The following HACD2 variants were observed in gnomAD, a reference collection of about 807,000 sequenced individuals.
HACD2 encodes very-long-chain (3R)-3-hydroxyacyl-CoA dehydratase 2.
HACD2 carries 15 observed loss-of-function variants against 31.0 expected under a neutral mutation model. The ratio of observed to expected loss-of-function variants is 0.48; its 90% CI spans 0.32 to 0.75. HACD2 has a LOEUF of 0.75. Ranked by LOEUF, HACD2 falls within the 30% of genes least tolerant of loss-of-function variation. The pLI is 0.03. For missense variants in HACD2, 283 were observed against 313.0 expected (o/e 0.90, Z 0.72); for synonymous variants, 115 against 122.2 (o/e 0.94, Z 0.39).
chr3:123,578,146 C>T (rs910266739), intron 2 of HACD2, among the ~76,000 whole-genome samples: 2 of 151,144 alleles, frequency 1.3e-5, no homozygotes, highest in African/African-American at 4.9e-5. Context: ...TTTGTATCTG[C>T]CTCCTTTCAC....
chr3:123,502,855 G>A (rs1186535792), intron 4 of HACD2, 174 bp from the exon 5 acceptor site: 4 of 609,128 alleles, frequency 6.6e-6, no homozygotes, highest in Non-Finnish European at 1.1e-5. Context: ...GATGACAGCT[G>A]TGTACATCCC....
chr3:123,558,919 C>T (rs555353544), intron 3 of HACD2, among the ~76,000 whole-genome samples: 125 of 152,246 alleles, frequency 8.2e-4, no homozygotes, highest in African/African-American at 2.8e-3. Context: ...AACCATCGCA[C>T]CAAAGAACTG....
intron 3 of HACD2, among the ~76,000 whole-genome samples, chr3:123,566,486 G>C (rs1207711067): frequency 6.6e-6 from 1 of 151,858 alleles, no homozygotes; most frequent in African/African-American, 2.4e-5. Context: ...GTCTCCCTGT[G>C]TTGCCCAGGC....
chr3:123,544,801 T>C (rs1244716898), intron 3 of HACD2, among the ~76,000 whole-genome samples: 2 of 152,144 alleles, frequency 1.3e-5, no homozygotes, highest in Non-Finnish European at 2.9e-5. Context: ...TCAAATGCCA[T>C]TTTTGTTATG....
At chr3:123,534,601 T>C (rs1190974503) in intron 3 of HACD2, among the ~76,000 whole-genome samples, 8 of 152,142 alleles carry the variant, frequency 5.3e-5, no homozygotes, top group African/African-American at 1.9e-4. Flanking sequence ...TGTTAGAGTA[T>C]AGTCCTACTT....
intron 4 of HACD2, among the ~76,000 whole-genome samples, chr3:123,504,339 C>A (rs1430946248): frequency 6.6e-6 from 1 of 152,160 alleles, no homozygotes; most frequent in Non-Finnish European, 1.5e-5. Flanking sequence ...GTACTGTAAA[C>A]ATCTTCAAAG....
intron 1 of HACD2, among the ~76,000 whole-genome samples, chr3:123,583,877 T>C (rs1341014747): frequency 6.6e-6 from 1 of 152,232 alleles, no homozygotes; most frequent in East Asian, 1.9e-4. Flanking sequence ...TTTTTAACCC[T>C]AACAATGTAT....
At chr3:123,526,275 A>G (rs1361049920) in intron 4 of HACD2, among the ~76,000 whole-genome samples, 1 of 152,232 alleles carries the variant, frequency 6.6e-6, no homozygotes, top group Non-Finnish European at 1.5e-5. Context: ...TAGGGCAGGG[A>G]TGGAGGGCAC....
intron 3 of HACD2, among the ~76,000 whole-genome samples, chr3:123,563,539 GC>G (rs1247553132): frequency 6.6e-6 from 1 of 152,160 alleles, no homozygotes; most frequent in Non-Finnish European, 1.5e-5. Flanking sequence ...TGGACTTGGA[GC>G]CACACAGCCA....
At chr3:123,570,951 C>CACACACACACAT (rs1316930410) in intron 2 of HACD2, among the ~76,000 whole-genome samples, 2 of 151,776 alleles carry the variant, frequency 1.3e-5, no homozygotes, top group East Asian at 3.9e-4. Context: ...CACATACACA[C>CACACACACACAT]ACACACAGGC....
chr3:123,547,701 T>G (rs1403332911), intron 3 of HACD2, among the ~76,000 whole-genome samples: 1 of 152,142 alleles, frequency 6.6e-6, no homozygotes, highest in Non-Finnish European at 1.5e-5. Context: ...GTGGTATATG[T>G]TAGACCAAGC....
At chr3:123,534,230 C>CCGACAA (rs2056398888) in intron 3 of HACD2, among the ~76,000 whole-genome samples, 1 of 152,134 alleles carries the variant, frequency 6.6e-6, no homozygotes, top group African/African-American at 2.4e-5. Flanking sequence ...CTGGCTATAC[C>CCGACAA]TGACAAAGAC....
intron 3 of HACD2, among the ~76,000 whole-genome samples, chr3:123,553,600 G>A (rs1311135530): frequency 6.6e-6 from 1 of 152,182 alleles, no homozygotes; most frequent in Admixed American, 6.5e-5. Context: ...CAACCTGGAA[G>A]GATAAGGCAG....
intron 4 of HACD2, among the ~76,000 whole-genome samples, chr3:123,523,559 A>G (rs954282228): frequency 1.3e-5 from 2 of 152,216 alleles, no homozygotes; most frequent in African/African-American, 2.4e-5. Flanking sequence ...TAAATGTTAA[A>G]GCCCAAACTC....
intron 2 of HACD2, among the ~76,000 whole-genome samples, chr3:123,568,918 T>C (rs1310840899): frequency 1.3e-5 from 2 of 152,208 alleles, no homozygotes; most frequent in Admixed American, 6.5e-5. Flanking sequence ...CAGTAAATGA[T>C]GGTCAGGACC....
Position 123,506,617 on chromosome 3 carries a change from T to C in HACD2, c.382-3936A>G, listed in dbSNP as rs114820978. ...GCTAATTTTTTTTTCTTATTTTTTG[T>C]AGAAATGGGGTTTCACTATGTTGCC... On this transcript the variant is annotated intron_variant, in intron 4 of 6. Coordinates refer to ENST00000383657, the MANE Select transcript of HACD2 (RefSeq NM_198402.5). Among the ~76,000 whole-genome samples, 473 of 152,124 alleles carry C rather than the reference T, an allele frequency of 3.1e-3. 2 individuals carry two copies. The highest frequency in any genetic ancestry group is 0.011 in the African/African-American group (459 of 41,512).
At chr3:123,550,766 CAGG>C (rs1443909593) in intron 3 of HACD2, among the ~76,000 whole-genome samples, 1 of 152,084 alleles carries the variant, frequency 6.6e-6, no homozygotes, top group South Asian at 2.1e-4. Context: ...GACAGAGATG[CAGG>C]AGAAGGATGT....
chr3:123,528,286 C>A, intron 4 of HACD2, 100 bp downstream of exon 4: 1 of 761,418 alleles, frequency 1.3e-6, no homozygotes, highest in South Asian at 1.5e-5. Flanking sequence ...TGACCTGGAA[C>A]TCTGACCTGG....
chr3:123,498,204 G>A (rs568649403), intron 6 of HACD2, among the ~76,000 whole-genome samples: 18 of 152,320 alleles, frequency 1.2e-4, no homozygotes, highest in African/African-American at 4.1e-4. Context: ...AGGAGTCAAT[G>A]GTTTGCAGGG....
Sources: allele counts gnomAD v4.1 joint callset (sites outside exome capture counted in the v4.1 genomes callset), GRCh38; gene constraint gnomAD v4.1.1; transcripts MANE v1.5; gene names NCBI Gene and HGNC (gene_info 2026-07-23, HGNC 2026-07-21).